The following PFKFB2 variants were observed in gnomAD, a reference collection of about 807,000 sequenced individuals.
PFKFB2 encodes 6-phosphofructo-2-kinase/fructose-2,6-bisphosphatase 2.
A neutral mutation model predicts 68.0 loss-of-function variants in PFKFB2; 53 were observed. The ratio of observed to expected loss-of-function variants is 0.78; its 90% CI spans 0.63 to 0.98. The LOEUF is 0.98. PFKFB2 is among the 50% of genes least tolerant of loss of function. The probability of loss-of-function intolerance (pLI) is 0.00; values close to 1 mark genes in which losing one functional copy is unlikely to be tolerated. For synonymous variants in PFKFB2, 222 were observed against 227.6 expected (o/e 0.98, Z 0.22); for missense variants, 451 against 642.0 (o/e 0.70, Z 3.22).
At chr1:207,050,845 C>G, upstream of PFKFB2, 1 of 1,612,932 alleles carries the variant, frequency 6.2e-7, no homozygotes, top group Admixed American at 1.7e-5. Flanking sequence ...GGCTGGACAG[C>G]CCCTGCAAAA....
At chr1:207,071,435 T>C in intron 13 of PFKFB2, 74 bp from the exon 14 acceptor site, 2 of 1,264,938 alleles carry the variant, frequency 1.6e-6, no homozygotes, top group Non-Finnish European at 2.3e-6. Context: ...TCCTTTGTGG[T>C]ATACTTTCCC....
Position 207,075,604 on chromosome 1 carries a change from A to C in PFKFB2, c.*3233A>C, listed in dbSNP as rs1683598877. ...GAGGCTGTAAGTTTTGTTTTGTGAGAAATAGGTAAAGACATTAGCATTTAA... is the reference window on the plus strand; with the variant it reads ...GAGGCTGTAAGTTTTGTTTTGTGAGCAATAGGTAAAGACATTAGCATTTAA... On this transcript the variant is annotated 3_prime_UTR_variant, in exon 15 of 15. Transcript: ENST00000367080. The C allele has an allele frequency of 1.0e-6, 1 of 985,268 alleles. No individual in the cohort carries two copies. Among genetic ancestry groups the C allele is most frequent in the Admixed American group, 6.1e-5 (1 of 16,268 alleles). 61.0% of individuals were successfully genotyped at this position (985,268 alleles called of 1,614,324 possible). A position where few individuals can be genotyped will look rare whatever the true frequency, so the allele number is the denominator to read the frequency against.
In PFKFB2 at chr1:207,061,151, A is replaced by ATC. The variant is rs1239825353; in HGVS notation, c.86-801_86-800insCT. 9.6e-3 allele frequency among the ~76,000 whole-genome samples: 803 copies of ATC among 83,626 alleles called. 9 individuals are homozygous for ATC. Among genetic ancestry groups the ATC allele is most frequent in the African/African-American group, 0.015 (222 of 15,148 alleles). The allele number at this position is 83,626 out of a possible 152,430, so 54.9% of individuals were successfully genotyped here. On this transcript the variant is annotated intron_variant, in intron 2 of 14. Coordinates refer to ENST00000367080, the MANE Select transcript of PFKFB2 (RefSeq NM_006212.2). ...TATCTTTATATATATCTTTATATAT[A>ATC]TTTATATATATCTTTATATATATAT... is the stretch of plus-strand genomic sequence containing the variant.
chr1:207,049,238 C>T (rs1271110116), upstream of PFKFB2: 2 of 1,614,084 alleles, frequency 1.2e-6, no homozygotes, highest in Admixed American at 1.7e-5. Flanking sequence ...GTATCTGGAT[C>T]AGGGAAGTTA....
intron 3 of PFKFB2, chr1:207,062,411 A>C (rs1683145914): frequency 4.1e-6 from 3 of 723,916 alleles, no homozygotes; most frequent in Non-Finnish European, 6.8e-6. Flanking sequence ...GGAAATTGAA[A>C]CCTCAGACAG....
chr1:207,067,266 A>T (rs1683319245), intron 8 of PFKFB2, among the ~76,000 whole-genome samples: 1 of 152,206 alleles, frequency 6.6e-6, no homozygotes, highest in Admixed American at 6.5e-5. Context: ...TTGTCACACT[A>T]CAGGCACTGA....
At chr1:207,049,611 G>A (rs764263300), upstream of PFKFB2, 3 of 1,614,064 alleles carry the variant, frequency 1.9e-6, no homozygotes, top group African/African-American at 2.7e-5. Flanking sequence ...CTGGGACCAC[G>A]GTTCTGGTAA....
intron 2 of PFKFB2, among the ~76,000 whole-genome samples, chr1:207,055,407 A>C (rs529362860): frequency 2.6e-5 from 4 of 152,234 alleles, no homozygotes; most frequent in African/African-American, 9.6e-5. Context: ...TTTCATTTCT[A>C]TGCCTGTCTT....
At position 207,061,995 on chromosome 1, in the gene PFKFB2, T is replaced by C; in HGVS notation, c.128T>C (p.Met43Thr). Reference protein sequence around the residue: ...YMTNSPTLIVMIGLPARGKTY... With the variant: ...YMTNSPTLIVTIGLPARGKTY... ...ACCAACTCCCCGACTCTGATCGTTA[T>C]GATTGGTTTGCCAGCCCGGGGTAAA... The change falls in exon 3 of 15, where the codon ATG (methionine) becomes ACG (threonine). Residue 43 changes from methionine (M) to threonine (T), a missense_variant. Coordinates refer to ENST00000367080, the MANE Select transcript of PFKFB2 (RefSeq NM_006212.2). 1.9e-6 allele frequency: 3 copies of C among 1,614,244 alleles called. No homozygotes were observed. Among genetic ancestry groups the C allele is most frequent in the Middle Eastern group, 1.6e-4 (1 of 6,062 alleles).
At chr1:207,067,478 T>A (rs1683325990) in intron 8 of PFKFB2, 21 bp from the exon 9 acceptor site, 2 of 1,581,908 alleles carry the variant, frequency 1.3e-6, no homozygotes, top group East Asian at 4.5e-5. Context: ...AGGGAATTTT[T>A]TTTTTCCTTT....
At position 207,076,152 on chromosome 1, in the gene PFKFB2, C is replaced by G; in HGVS notation, c.*3781C>G. On this transcript the variant is annotated 3_prime_UTR_variant, in exon 15 of 15. Coordinates refer to ENST00000367080, the MANE Select transcript of PFKFB2 (RefSeq NM_006212.2). ...ATTCCATATGAGGATCTGGGTAATC[C>G]TCTTTGCAACCCACATTTGGTCTTC... is the stretch of plus-strand genomic sequence containing the variant. The G allele has an allele frequency of 2.0e-6, 2 of 985,194 alleles. No homozygotes were observed. The highest frequency in any genetic ancestry group is 2.4e-6 in the Non-Finnish European group (2 of 829,784). The allele number at this position is 985,194 out of a possible 1,614,324, so 61.0% of individuals were successfully genotyped here. A position where few individuals can be genotyped will look rare whatever the true frequency, so the allele number is the denominator to read the frequency against.
In PFKFB2 at chr1:207,063,755, C is replaced by T; in HGVS notation, c.451-18C>T. Reference sequence around the variant, plus strand: ...GGCATTTTTGACTTGCTTATCACTGCCTTCTCTCCATGGCCAGGTATTCTT... The same window carrying T: ...GGCATTTTTGACTTGCTTATCACTGTCTTCTCTCCATGGCCAGGTATTCTT... On this transcript the variant is annotated intron_variant, in intron 6 of 14. Coordinates refer to ENST00000367080, the MANE Select transcript of PFKFB2 (RefSeq NM_006212.2). This position sits in a 1 kb window ranked among gnomAD's most constrained non-coding sequence, Gnocchi z 4.1. 1 of 1,603,096 alleles carries T rather than the reference C, an allele frequency of 6.2e-7. No individual in the cohort carries two copies.
chr1:207,072,053 G>T, intron 14 of PFKFB2, 151 bp from the exon 15 acceptor site: 1 of 1,335,834 alleles, frequency 7.5e-7, no homozygotes, highest in Non-Finnish European at 1.0e-6. Context: ...ATGCTAGGAG[G>T]CCAGGCCATG....
At chr1:207,050,884 G>C (rs1270618316), upstream of PFKFB2, 5 of 1,607,598 alleles carry the variant, frequency 3.1e-6, no homozygotes, top group East Asian at 1.1e-4. Flanking sequence ...CCTTGCAGCG[G>C]AGCCGCCACA....
intron 1 of PFKFB2, among the ~76,000 whole-genome samples, chr1:207,038,663 T>C (rs1682423427): frequency 6.6e-6 from 1 of 152,222 alleles, no homozygotes; most frequent in Non-Finnish European, 1.5e-5. Flanking sequence ...CACCCAATTA[T>C]TCTTTTCATA....
chr1:207,048,331 A>G (rs1352845358), upstream of PFKFB2: 1 of 152,744 alleles, frequency 6.5e-6, no homozygotes, highest in African/African-American at 2.4e-5. Context: ...AACATTCTCA[A>G]GGATGAGACT....
At chr1:207,062,128 C>T (rs1441018558) in intron 3 of PFKFB2, 50 bp downstream of exon 3, 1 of 1,612,070 alleles carries the variant, frequency 6.2e-7, no homozygotes, top group Admixed American at 1.7e-5. Flanking sequence ...TCCTGGGCCT[C>T]ACAGGTCTCT....
chr1:207,063,831 T>A lies in PFKFB2; in HGVS notation c.507+2T>A, dbSNP rs1683194343. The A allele has an allele frequency of 6.2e-7, 1 of 1,610,320 alleles. No individual in the cohort carries two copies. The highest frequency in any genetic ancestry group is 8.5e-7 in the Non-Finnish European group (1 of 1,176,978). ...GATGTCATTGCTGCCAATATTCTGG[T>A]TGGTGACACCCCTACATATCATCTC... is the stretch of plus-strand genomic sequence containing the variant. On this transcript the variant is annotated splice_donor_variant, in intron 7 of 14. Transcript: ENST00000367080. LOFTEE classifies it high-confidence loss of function. The surrounding 1 kb of genome is among the most constrained non-coding windows in gnomAD (Gnocchi z 4.1).
At position 207,074,296 on chromosome 1, in the gene PFKFB2, CATA is replaced by C; in HGVS notation, c.*1928_*1930del. On this transcript the variant is annotated 3_prime_UTR_variant, in exon 15 of 15. Transcript: ENST00000367080. ...CTTTGGGTTTGATGTTTGAGCAGAT[CATA>C]ATGTTAAATGATATAACCCCCTGGA... 4 of 985,414 alleles carry C rather than the reference CATA, an allele frequency of 4.1e-6. No homozygotes were observed. Among genetic ancestry groups the C allele is most frequent in the Non-Finnish European group, 3.6e-6 (3 of 829,922 alleles). 61.0% of individuals were successfully genotyped at this position (985,414 alleles called of 1,614,324 possible). A position where few individuals can be genotyped will look rare whatever the true frequency, so the allele number is the denominator to read the frequency against.
Sources: gnomAD v4.1 joint callset for allele counts (sites outside exome capture counted in the v4.1 genomes callset) on GRCh38, gnomAD v4.1.1 for gene constraint, Gnocchi (gnomAD v3.1) non-coding constraint, MANE v1.5 for transcripts, NCBI Gene and HGNC (gene_info 2026-07-23, HGNC 2026-07-21) for gene names.